The following ZBBX variants were observed in gnomAD, a reference collection of about 807,000 sequenced individuals.
The protein encoded by ZBBX is zinc finger B-box domain-containing protein 1.
In ZBBX, 101 loss-of-function variants were observed where a neutral mutation model predicts 108.5. The observed-to-expected ratio is 0.93, with a 90% CI of 0.79 to 1.10. The LOEUF (loss-of-function observed/expected upper bound fraction) is 1.10. Ranked by LOEUF, ZBBX falls within the 50% of genes least tolerant of loss-of-function variation. The pLI is 0.00. For synonymous variants in ZBBX, 356 were observed against 323.4 expected (o/e 1.10, Z -1.08); for missense variants, 1,009 against 941.4 (o/e 1.07, Z -0.94).
At chr3:167,236,011 T>C (rs1174032758), downstream of ZBBX, among the ~76,000 whole-genome samples, 2 of 151,734 alleles carry the variant, frequency 1.3e-5, no homozygotes, top group Admixed American at 6.6e-5. Flanking sequence ...TGAAACAGAA[T>C]ATCCTATAAT....
At chr3:167,407,792 T>C (rs1442502518) in exon 1 of ZBBX, among the ~76,000 whole-genome samples, 2 of 151,682 alleles carry the variant, frequency 1.3e-5, no homozygotes, top group African/African-American at 4.8e-5. Flanking sequence ...GTGGCAGAGG[T>C]GAAAGCAAAT....
chr3:167,181,852 G>A, the ZBBX span, among the ~76,000 whole-genome samples: 1 of 152,168 alleles, frequency 6.6e-6, no homozygotes, highest in Admixed American at 6.5e-5. Flanking sequence ...GCTGGCAAGG[G>A]TCTATAGACT....
At chr3:167,238,085 A>G (rs1720302495), downstream of ZBBX, among the ~76,000 whole-genome samples, 2 of 152,036 alleles carry the variant, frequency 1.3e-5, no homozygotes, top group Non-Finnish European at 2.9e-5. Flanking sequence ...AGGAGGGTAG[A>G]AAGAGTCATG....
At chr3:167,242,273 A>G (rs562858559) in intron 21 of ZBBX, among the ~76,000 whole-genome samples, 75 of 152,324 alleles carry the variant, frequency 4.9e-4, no homozygotes, top group African/African-American at 1.7e-3. Flanking sequence ...CATTTTTATG[A>G]TACATATTGT....
At chr3:167,358,038 G>A (rs999389861) in intron 8 of ZBBX, among the ~76,000 whole-genome samples, 8 of 151,814 alleles carry the variant, frequency 5.3e-5, no homozygotes, top group East Asian at 1.9e-4. Context: ...GAGAGGGGAG[G>A]GATAGCTTTA....
At chr3:167,376,969 T>A (rs60719982) in intron 2 of ZBBX, among the ~76,000 whole-genome samples, 4,908 of 152,264 alleles carry the variant, frequency 0.032, 171 homozygotes, top group East Asian at 0.11. Flanking sequence ...ACCAGAGGAA[T>A]ACAGATAAAC....
chr3:167,311,049 C>T (rs1297995844), intron 16 of ZBBX, among the ~76,000 whole-genome samples: 1 of 151,994 alleles, frequency 6.6e-6, no homozygotes, highest in African/African-American at 2.4e-5. Flanking sequence ...TACCTTACAT[C>T]AAGATTACTA....
At chr3:167,344,853 C>A (rs1449717641) in intron 9 of ZBBX, among the ~76,000 whole-genome samples, 1 of 151,724 alleles carries the variant, frequency 6.6e-6, no homozygotes, top group Non-Finnish European at 1.5e-5. Context: ...ATGTAATTTG[C>A]CAAGTAGAGG....
chr3:167,331,514 T>C, intron 10 of ZBBX: 1 of 966,596 alleles, frequency 1.0e-6, no homozygotes. Flanking sequence ...TTCCAAGCAA[T>C]GAATCAGAGA....
intron 10 of ZBBX, among the ~76,000 whole-genome samples, chr3:167,329,700 G>C (rs1237105918): frequency 2.0e-5 from 3 of 152,194 alleles, no homozygotes; most frequent in Non-Finnish European, 4.4e-5. Context: ...ACTATAAGCA[G>C]TTTGCATTGA....
At chr3:167,326,326 A>G (rs1463212674) in intron 11 of ZBBX, among the ~76,000 whole-genome samples, 1 of 152,098 alleles carries the variant, frequency 6.6e-6, no homozygotes, top group Admixed American at 6.6e-5. Flanking sequence ...GTACATAACT[A>G]TGGTTATTGA....
intron 5 of ZBBX, chr3:167,367,033 A>G: frequency 2.6e-6 from 1 of 379,330 alleles, no homozygotes; most frequent in Non-Finnish European, 5.3e-6. Flanking sequence ...AAAGATAAAT[A>G]CTACTGAAAG....
At chr3:167,330,277 C>T (rs1021522181) in intron 10 of ZBBX, among the ~76,000 whole-genome samples, 10 of 152,000 alleles carry the variant, frequency 6.6e-5, no homozygotes, top group African/African-American at 2.4e-4. Flanking sequence ...ACATACAAAA[C>T]CAGAAGGGTT....
At chr3:167,343,328 A>G (rs1476910526) in intron 9 of ZBBX, among the ~76,000 whole-genome samples, 1 of 151,830 alleles carries the variant, frequency 6.6e-6, no homozygotes, top group South Asian at 2.1e-4. Flanking sequence ...CTGTACTGCC[A>G]CTACCCTCTC....
At chr3:167,382,402 A>G (rs1360619890), upstream of ZBBX, among the ~76,000 whole-genome samples, 1 of 152,190 alleles carries the variant, frequency 6.6e-6, no homozygotes, top group Admixed American at 6.5e-5. Context: ...CACACCAGCA[A>G]TGCCGCACAC....
intron 17 of ZBBX, among the ~76,000 whole-genome samples, chr3:167,305,433 A>G (rs1733458790): frequency 6.6e-6 from 1 of 152,134 alleles, no homozygotes; most frequent in Non-Finnish European, 1.5e-5. Flanking sequence ...AAAGCCATTT[A>G]TTAAAATGGC....
downstream of ZBBX, among the ~76,000 whole-genome samples, chr3:167,236,853 T>G (rs933423755): frequency 6.6e-6 from 1 of 151,738 alleles, no homozygotes; most frequent in African/African-American, 2.4e-5. Flanking sequence ...TTAATAATTA[T>G]AAGTTTTATG....
At chr3:167,351,948 A>G (rs1270261242) in intron 8 of ZBBX, among the ~76,000 whole-genome samples, 1 of 152,060 alleles carries the variant, frequency 6.6e-6, no homozygotes, top group Non-Finnish European at 1.5e-5. Flanking sequence ...TTGCTGGCCC[A>G]CAACATAGCC....
intron 18 of ZBBX, among the ~76,000 whole-genome samples, chr3:167,295,752 TATATATAAAAAA>T (rs1731574797): frequency 1.3e-4 from 2 of 15,678 alleles, no homozygotes; most frequent in East Asian, 2.2e-3. Context: ...TATATATATA[TATATATAAAAAA>T]AACTAGTAAG....
Sources: gnomAD v4.1 joint callset for allele counts (sites outside exome capture counted in the v4.1 genomes callset) on GRCh38, gnomAD v4.1.1 for gene constraint, MANE v1.5 for transcripts, NCBI Gene and HGNC (gene_info 2026-07-23, HGNC 2026-07-21) for gene names.